Variants in DPYD observed in about 807,000 individuals in gnomAD.
DPYD encodes the protein dihydropyrimidine dehydrogenase [NADP(+)].
Under a neutral mutation model 116.2 loss-of-function variants are expected in DPYD, and 109 were observed. The observed-to-expected ratio is 0.94, with a 90% CI of 0.80 to 1.10. The LOEUF (loss-of-function observed/expected upper bound fraction) is 1.10, where lower values mean the gene tolerates loss of function less well. DPYD is among the 50% of genes least tolerant of loss of function. DPYD has a pLI of 0.00. For synonymous variants in DPYD, 440 were observed against 432.0 expected, an observed-to-expected ratio of 1.02 and a Z score of -0.23; for missense variants, 1,302 against 1,254.5, an observed-to-expected ratio of 1.04 and a Z score of -0.57.
chr1:97,243,438 A>C (rs955425027), intron 18 of DPYD, among the ~76,000 whole-genome samples: 2 of 151,910 alleles, frequency 1.3e-5, no homozygotes, highest in African/African-American at 4.8e-5. Flanking sequence ...GTGTAAACTG[A>C]GATTCAGCAG....
At chr1:97,758,319 T>C (rs1047591563) in intron 3 of DPYD, among the ~76,000 whole-genome samples, 3 of 150,512 alleles carry the variant, frequency 2.0e-5, no homozygotes, top group Non-Finnish European at 4.4e-5. Flanking sequence ...TTACCCCATA[T>C]CCTCTTCACA....
intron 7 of DPYD, among the ~76,000 whole-genome samples, chr1:97,690,507 C>T (rs1055008498): frequency 2.6e-5 from 4 of 151,688 alleles, no homozygotes; most frequent in Admixed American, 2.6e-4. Context: ...ATGATCAAAT[C>T]AGGATAATTA....
intron 11 of DPYD, among the ~76,000 whole-genome samples, chr1:97,563,706 C>T (rs1353731536): frequency 6.6e-6 from 1 of 152,158 alleles, no homozygotes; most frequent in African/African-American, 2.4e-5. Context: ...AAAATAATTA[C>T]AGAAATATCA....
At chr1:97,524,710 C>T (rs897055567) in intron 12 of DPYD, among the ~76,000 whole-genome samples, 1 of 152,170 alleles carries the variant, frequency 6.6e-6, no homozygotes, top group African/African-American at 2.4e-5. Context: ...CTGTATCCAT[C>T]ATCAAACACC....
At chr1:97,628,949 A>C (rs1205975903) in intron 8 of DPYD, among the ~76,000 whole-genome samples, 1 of 152,068 alleles carries the variant, frequency 6.6e-6, no homozygotes, top group Non-Finnish European at 1.5e-5. Context: ...CTACATGCTA[A>C]ATAAAAGAAC....
chr1:97,291,280 G>A (rs1283976641), intron 18 of DPYD, among the ~76,000 whole-genome samples: 6 of 152,048 alleles, frequency 3.9e-5, no homozygotes, highest in Non-Finnish European at 7.4e-5. Context: ...TCAGTGTGGC[G>A]ATTCCTCAGG....
chr1:97,268,662 T>C (rs1664385281), intron 18 of DPYD, among the ~76,000 whole-genome samples: 1 of 152,092 alleles, frequency 6.6e-6, no homozygotes, highest in African/African-American at 2.4e-5. Flanking sequence ...CTGAGGGTGA[T>C]GGACAAAAAT....
At chr1:97,249,884 G>A (rs1341818815) in intron 18 of DPYD, among the ~76,000 whole-genome samples, 1 of 152,116 alleles carries the variant, frequency 6.6e-6, no homozygotes, top group Non-Finnish European at 1.5e-5. Context: ...TAGGCCCACA[G>A]GAATGGCTAA....
intron 2 of DPYD, among the ~76,000 whole-genome samples, chr1:97,864,989 C>CT (rs777939350): frequency 2.9e-4 from 43 of 148,396 alleles, no homozygotes; most frequent in African/African-American, 3.9e-4. Context: ...CATACTTTCA[C>CT]TTTTTTTTTT....
At chr1:97,732,509 T>C (rs1188014263) in intron 4 of DPYD, among the ~76,000 whole-genome samples, 1 of 150,534 alleles carries the variant, frequency 6.6e-6, no homozygotes, top group Non-Finnish European at 1.5e-5. Context: ...TGTAACCTTG[T>C]GAAGTTATAT....
chr1:97,704,738 G>A (rs561808552), intron 5 of DPYD, among the ~76,000 whole-genome samples: 14 of 151,868 alleles, frequency 9.2e-5, no homozygotes, highest in Non-Finnish European at 1.8e-4. Context: ...GGCTCTTTCG[G>A]TGAGAAAGAC....
At chr1:97,345,574 T>C (rs1669800111) in intron 16 of DPYD, among the ~76,000 whole-genome samples, 1 of 151,850 alleles carries the variant, frequency 6.6e-6, no homozygotes, top group Admixed American at 6.6e-5. Flanking sequence ...TGGATAACGG[T>C]GACTGTCGGG....
chr1:97,798,472 A>G (rs750314317), intron 3 of DPYD, among the ~76,000 whole-genome samples: 1 of 151,858 alleles, frequency 6.6e-6, no homozygotes, highest in Non-Finnish European at 1.5e-5. Flanking sequence ...CTTCACCTCA[A>G]TCCTGTGAGG....
intron 20 of DPYD, among the ~76,000 whole-genome samples, chr1:97,123,297 C>A (rs902065802): frequency 4.6e-5 from 7 of 152,052 alleles, no homozygotes; most frequent in Non-Finnish European, 1.0e-4. Context: ...TTCCTGTAGA[C>A]AAAATTTATT....
intron 7 of DPYD, among the ~76,000 whole-genome samples, chr1:97,682,851 A>G (rs1257409808): frequency 6.6e-6 from 1 of 152,076 alleles, no homozygotes; most frequent in Non-Finnish European, 1.5e-5. Context: ...TCCTACCTAA[A>G]TTCGGAATAC....
chr1:97,415,482 C>T (rs973003103), intron 14 of DPYD, among the ~76,000 whole-genome samples: 1 of 152,086 alleles, frequency 6.6e-6, no homozygotes, highest in African/African-American at 2.4e-5. Flanking sequence ...CCACCGTGCC[C>T]AGCTAGTTTT....
chr1:97,192,454 T>C (rs879036576), intron 20 of DPYD, among the ~76,000 whole-genome samples: 1 of 152,198 alleles, frequency 6.6e-6, no homozygotes, highest in Admixed American at 6.5e-5. Context: ...ACAATGGTTA[T>C]CTATTTAGAA....
intron 20 of DPYD, among the ~76,000 whole-genome samples, chr1:97,122,500 A>C (rs887364047): frequency 2.6e-5 from 4 of 152,204 alleles, no homozygotes; most frequent in African/African-American, 4.8e-5. Context: ...ATACACTTAC[A>C]TTTCAAAGAC....
At chr1:97,868,258 T>C (rs759484882) in intron 2 of DPYD, among the ~76,000 whole-genome samples, 1 of 151,742 alleles carries the variant, frequency 6.6e-6, no homozygotes, top group Non-Finnish European at 1.5e-5. Flanking sequence ...AGAATCTAAA[T>C]GGAGTCAACG....
Sources: allele counts gnomAD v4.1 joint callset (sites outside exome capture counted in the v4.1 genomes callset), GRCh38; gene constraint gnomAD v4.1.1; transcripts MANE v1.5; gene names NCBI Gene and HGNC (gene_info 2026-07-23, HGNC 2026-07-21).